Variants in FHIT observed in about 807,000 individuals in gnomAD.
FHIT encodes the protein bis(5'-adenosyl)-triphosphatase.
A neutral mutation model predicts 17.9 loss-of-function variants in FHIT; 19 were observed. The observed-to-expected ratio is 1.06, with a 90% CI of 0.74 to 1.56. The LOEUF (loss-of-function observed/expected upper bound fraction) is 1.56. Ranked by LOEUF, FHIT falls within the 40% of genes most tolerant of loss-of-function variation. The pLI is 0.00. For missense variants in FHIT, 248 were observed against 189.2 expected (o/e 1.31, Z -1.82); for synonymous variants, 81 against 69.7 (o/e 1.16, Z -0.81).
At chr3:61,022,737 CA>C (rs1559917423) in intron 3 of FHIT, among the ~76,000 whole-genome samples, 1 of 152,124 alleles carries the variant, frequency 6.6e-6, no homozygotes, top group Non-Finnish European at 1.5e-5. Context: ...GAACCAATGA[CA>C]AAAACCACAT....
At chr3:60,211,179 A>T (rs1381898905) in intron 5 of FHIT, among the ~76,000 whole-genome samples, 2 of 151,862 alleles carry the variant, frequency 1.3e-5, no homozygotes, top group African/African-American at 2.4e-5. Context: ...AACGAAAGAA[A>T]GTTGAAGAAA....
At chr3:60,163,901 T>C (rs928817772) in intron 5 of FHIT, among the ~76,000 whole-genome samples, 1 of 152,190 alleles carries the variant, frequency 6.6e-6, no homozygotes, top group Non-Finnish European at 1.5e-5. Flanking sequence ...TTCAGAGCAC[T>C]GGCTCCAGAG....
intron 5 of FHIT, among the ~76,000 whole-genome samples, chr3:60,299,184 T>G (rs1191705124): frequency 1.3e-5 from 2 of 152,104 alleles, no homozygotes; most frequent in African/African-American, 4.8e-5. Flanking sequence ...TTTAATCGTA[T>G]TCTTTGAACC....
intron 3 of FHIT, among the ~76,000 whole-genome samples, chr3:60,936,347 A>C (rs1553773064): frequency 6.6e-6 from 1 of 152,228 alleles, no homozygotes. Context: ...AGTAGTTCTG[A>C]AAACAGAGTA....
intron 5 of FHIT, among the ~76,000 whole-genome samples, chr3:60,300,243 C>T (rs534597358): frequency 1.3e-5 from 2 of 151,974 alleles, no homozygotes; most frequent in Admixed American, 6.6e-5. Flanking sequence ...AGTGAAAGTC[C>T]CCTTGTTTTA....
At chr3:60,514,607 C>A (rs958407498) in intron 5 of FHIT, among the ~76,000 whole-genome samples, 1 of 152,154 alleles carries the variant, frequency 6.6e-6, no homozygotes, top group Admixed American at 6.5e-5. Flanking sequence ...ACCTATGTAA[C>A]AAACCCACAC....
chr3:60,235,788 A>G (rs10510834), intron 5 of FHIT, among the ~76,000 whole-genome samples: 28,199 of 152,126 alleles, frequency 0.19, 2,684 homozygotes, highest in East Asian at 0.28. Flanking sequence ...TTTCATAAAC[A>G]GGTTAGTTCT....
At chr3:60,362,777 G>A (rs926340417) in intron 5 of FHIT, among the ~76,000 whole-genome samples, 6 of 152,102 alleles carry the variant, frequency 3.9e-5, no homozygotes, top group Admixed American at 3.9e-4. Flanking sequence ...CTTCCTTATA[G>A]AGTTATAGTG....
intron 2 of FHIT, among the ~76,000 whole-genome samples, chr3:61,044,589 T>G (rs529976622): frequency 2.0e-5 from 3 of 152,028 alleles, no homozygotes; most frequent in Non-Finnish European, 4.4e-5. Flanking sequence ...ACTTCCCCAA[T>G]CTAGCAATGC....
Position 60,710,098 on chromosome 3 carries a change from C to G in FHIT, c.-18+111821G>C, listed in dbSNP as rs530037598. ...CTAAAAAAAAAAAAAAAAAAAAACT[C>G]AACAATCAAAATGCAATTAAATTAA... is the stretch of plus-strand genomic sequence containing the variant. On this transcript the variant is annotated intron_variant, in intron 4 of 9. Coordinates refer to ENST00000492590, the MANE Select transcript of FHIT (RefSeq NM_002012.4). Among the ~76,000 whole-genome samples the G allele has an allele frequency of 9.9e-4, 142 of 144,050 alleles. 1 individual carries two copies. Among genetic ancestry groups the G allele is most frequent in the Admixed American group, 4.7e-3 (67 of 14,348 alleles). The allele number at this position is 144,050 out of a possible 152,430, so 94.5% of individuals were successfully genotyped here.
intron 5 of FHIT, among the ~76,000 whole-genome samples, chr3:60,424,996 T>C (rs919722417): frequency 6.6e-6 from 1 of 152,132 alleles, no homozygotes; most frequent in African/African-American, 2.4e-5. Context: ...CACATACTTT[T>C]GCAATAAGCG....
At chr3:60,526,850 C>T (rs1183121055) in intron 5 of FHIT, among the ~76,000 whole-genome samples, 1 of 152,224 alleles carries the variant, frequency 6.6e-6, no homozygotes, top group Non-Finnish European at 1.5e-5. Context: ...TTGTGGAAAG[C>T]ATCCCCCAAG....
chr3:60,113,456 T>A (rs1422736269), intron 5 of FHIT, among the ~76,000 whole-genome samples: 2 of 151,854 alleles, frequency 1.3e-5, no homozygotes, highest in African/African-American at 4.9e-5. Context: ...ACACAGTGAA[T>A]CTACTAACTG....
chr3:60,940,771 A>C (rs541636740), intron 3 of FHIT, among the ~76,000 whole-genome samples: 29 of 152,348 alleles, frequency 1.9e-4, no homozygotes, highest in African/African-American at 6.7e-4. Flanking sequence ...AATGGTTTAA[A>C]GCAGTGCTTC....
At chr3:60,338,338 C>A (rs1026506469) in intron 5 of FHIT, among the ~76,000 whole-genome samples, 3 of 152,134 alleles carry the variant, frequency 2.0e-5, no homozygotes, top group Non-Finnish European at 2.9e-5. Context: ...TCCTGTAAAT[C>A]ATCTAATTAT....
chr3:60,173,954 G>C (rs1413027624), intron 5 of FHIT, among the ~76,000 whole-genome samples: 1 of 105,252 alleles, frequency 9.5e-6, no homozygotes, highest in Admixed American at 1.3e-4. Flanking sequence ...TCACTCTGTC[G>C]CTAGGCTGGA....
chr3:60,358,643 AAAG>A (rs1344956368), intron 5 of FHIT, among the ~76,000 whole-genome samples: 2 of 152,324 alleles, frequency 1.3e-5, no homozygotes, highest in African/African-American at 4.8e-5. Flanking sequence ...ATTGCTAAGT[AAAG>A]AAGGGGCTGA....
intron 3 of FHIT, among the ~76,000 whole-genome samples, chr3:60,988,946 T>TAAAA (rs535898632): frequency 0.022 from 746 of 34,326 alleles, 82 homozygotes; most frequent in Non-Finnish European, 0.028. Context: ...ATGGCTTTGT[T>TAAAA]AAAAAAAAAA....
At chr3:59,899,720 C>T (rs1000157610) in intron 8 of FHIT, among the ~76,000 whole-genome samples, 2 of 152,094 alleles carry the variant, frequency 1.3e-5, no homozygotes, top group African/African-American at 4.8e-5. Flanking sequence ...GCAGCATACG[C>T]CTGTAGTCCC....
Sources: gnomAD v4.1 joint callset for allele counts (sites outside exome capture counted in the v4.1 genomes callset) on GRCh38, gnomAD v4.1.1 for gene constraint, MANE v1.5 for transcripts, NCBI Gene and HGNC (gene_info 2026-07-23, HGNC 2026-07-21) for gene names.